The following UBASH3A variants were observed in gnomAD, a reference collection of about 807,000 sequenced individuals.
UBASH3A encodes the protein ubiquitin-associated and SH3 domain-containing protein A.
UBASH3A carries 63 observed loss-of-function variants against 73.5 expected under a neutral mutation model. That is an observed-to-expected ratio of 0.86 (90% confidence interval 0.70 to 1.06). The LOEUF is 1.06. Ranked by LOEUF, UBASH3A falls within the 50% of genes least tolerant of loss-of-function variation. UBASH3A has a pLI of 0.00. For synonymous variants in UBASH3A, 363 were observed against 351.1 expected (o/e 1.03, Z -0.38); for missense variants, 860 against 859.0 (o/e 1.00, Z -0.02).
intron 6 of UBASH3A, 78 bp downstream of exon 6, chr21:42,416,689 C>T: frequency 7.5e-7 from 1 of 1,332,776 alleles, no homozygotes; most frequent in Non-Finnish European, 9.8e-7. Context: ...AATCCCAGCA[C>T]TTTGGGAGGC....
At chr21:42,408,446 T>C (rs147571021) in intron 2 of UBASH3A, among the ~76,000 whole-genome samples, 3 of 152,200 alleles carry the variant, frequency 2.0e-5, no homozygotes, top group African/African-American at 7.2e-5. Context: ...TACAGTACTT[T>C]GTGCTCTTTC....
chr21:42,446,530 A>G (rs2053846438), intron 14 of UBASH3A, among the ~76,000 whole-genome samples: 2 of 152,264 alleles, frequency 1.3e-5, no homozygotes, highest in South Asian at 4.1e-4. Flanking sequence ...AAAGAAAAGA[A>G]AAGACAAAAA....
chr21:42,415,811 C>T (rs947987749), intron 5 of UBASH3A, among the ~76,000 whole-genome samples: 2 of 152,154 alleles, frequency 1.3e-5, no homozygotes, highest in Admixed American at 6.5e-5. Flanking sequence ...AGACACAGAC[C>T]GCCTCCCTAG....
At chr21:42,428,162 C>A (rs78914476) in intron 8 of UBASH3A, among the ~76,000 whole-genome samples, 98 of 152,282 alleles carry the variant, frequency 6.4e-4, no homozygotes, top group African/African-American at 2.1e-3. Context: ...CCAGCCCTGG[C>A]AACACCATCA....
chr21:42,443,529 C>A, intron 13 of UBASH3A, 111 bp downstream of exon 13: 1 of 866,454 alleles, frequency 1.2e-6, no homozygotes, highest in Non-Finnish European at 1.7e-6. Context: ...CTTCTCCTGC[C>A]TGCCCCCGCC....
intron 10 of UBASH3A, 164 bp downstream of exon 10, chr21:42,435,118 C>A (rs1305826537): frequency 5.2e-6 from 4 of 772,318 alleles, no homozygotes; most frequent in Non-Finnish European, 8.0e-6. Flanking sequence ...AAGCAACTTG[C>A]CCAAGGTCAC....
In UBASH3A at chr21:42,409,598, A is replaced by T. The variant is rs779561571; in HGVS notation, c.344A>T (p.Asp115Val). Residue 115 changes from aspartate to valine, a missense_variant, in exon 3 of 15, where the codon GAC (aspartate) becomes GTC (valine). Asp to Val is a radical substitution (Grantham distance 152, BLOSUM62 -3). Coordinates refer to ENST00000319294, the MANE Select transcript of UBASH3A (RefSeq NM_018961.4). Reference sequence around the variant, plus strand: ...GTCTTCCCACACGTGACACTCTGTGACTTCTTCACGGTGAGTCAACCCAGT... The same window carrying T: ...GTCTTCCCACACGTGACACTCTGTGTCTTCTTCACGGTGAGTCAACCCAGT... Reference protein sequence around the residue: ...HEVFPHVTLCDFFTCEDQKVE... With the variant: ...HEVFPHVTLCVFFTCEDQKVE... The T allele has an allele frequency of 3.1e-6, 5 of 1,611,052 alleles. No individual in the cohort carries two copies. The Admixed American group carries it at 5.1e-5, about 16-fold the overall frequency.
At chr21:42,425,766 A>G (rs1394102268) in intron 7 of UBASH3A, among the ~76,000 whole-genome samples, 1 of 152,010 alleles carries the variant, frequency 6.6e-6, no homozygotes, top group Non-Finnish European at 1.5e-5. Flanking sequence ...AGTGGGAGCT[A>G]CTGCTGGTTT....
intron 11 of UBASH3A, among the ~76,000 whole-genome samples, chr21:42,439,428 C>A (rs1175362650): frequency 6.6e-6 from 1 of 152,168 alleles, no homozygotes; most frequent in Non-Finnish European, 1.5e-5. Context: ...TTGGAGGTTC[C>A]CATGTTGATT....
In UBASH3A at chr21:42,416,453, A is replaced by G. The variant is rs762079855; in HGVS notation, c.679A>G (p.Lys227Glu). 5 of 1,581,336 alleles carry G rather than the reference A, an allele frequency of 3.2e-6. No individual in the cohort carries two copies. The highest frequency in any genetic ancestry group is 2.6e-6 in the Non-Finnish European group (3 of 1,165,992). ...HYILQKYCSV[K>E]PCTKQLHLTL... ...CCCTGATTTCACAGACTGCTCCGTG[A>G]AGCCTTGCACCAAACAGCTGCATCT... The change falls in exon 6 of 15, where the codon AAG becomes GAG. Residue 227 changes from lysine (K) to glutamate (E), a missense_variant. Lys to Glu is a moderately conservative substitution (Grantham distance 56). Transcript: ENST00000319294.
rs371725608 is a variant in UBASH3A, at chr21:42,405,988, G to A, written c.114-320G>A. On this transcript the variant is annotated intron_variant, in intron 1 of 14. Transcript: ENST00000319294. Reference sequence around the variant, plus strand: ...GGTCCATTTGATCTAGGCAGTGGGGGGGGGGGGGGCAGGCCAGGGAGAGGG... The same window carrying A: ...GGTCCATTTGATCTAGGCAGTGGGGAGGGGGGGGGCAGGCCAGGGAGAGGG... Among the ~76,000 whole-genome samples, 416 of 147,816 alleles carry A rather than the reference G, an allele frequency of 2.8e-3. 3 individuals carry two copies. The highest frequency in any genetic ancestry group is 3.8e-3 in the Non-Finnish European group (259 of 67,542).
chr21:42,428,018 G>A (rs1329162104), intron 8 of UBASH3A, among the ~76,000 whole-genome samples: 1 of 152,184 alleles, frequency 6.6e-6, no homozygotes, highest in African/African-American at 2.4e-5. Context: ...CACAGGTGAT[G>A]CAATCTGATC....
Position 42,432,102 on chromosome 21 carries a change from G to A in UBASH3A, c.1171-1G>A. 4 of 1,609,450 alleles carry A rather than the reference G, an allele frequency of 2.5e-6. No homozygotes were observed. Among genetic ancestry groups the A allele is most frequent in the Non-Finnish European group, 3.4e-6 (4 of 1,176,570 alleles). On this transcript the variant is annotated splice_acceptor_variant, in intron 8 of 14. Coordinates refer to ENST00000319294, the MANE Select transcript of UBASH3A (RefSeq NM_018961.4). LOFTEE classifies it high-confidence loss of function. ...GCCTTGCTTCCTGCCCCACCCCCCA[G>A]GCTACCGTTGCAAGGAAGAGCGTGC... is the stretch of plus-strand genomic sequence containing the variant.
At chr21:42,425,459 T>C (rs1479007670) in intron 7 of UBASH3A, among the ~76,000 whole-genome samples, 6 of 152,246 alleles carry the variant, frequency 3.9e-5, no homozygotes, top group Non-Finnish European at 8.8e-5. Flanking sequence ...CCTGTGCTAA[T>C]GTGGGGCTAT....
intron 10 of UBASH3A, among the ~76,000 whole-genome samples, chr21:42,437,014 G>GTTC (rs1218353038): frequency 1.3e-5 from 2 of 152,226 alleles, no homozygotes. Context: ...TTCTGCTGTT[G>GTTC]GCCAAATTCA....
In UBASH3A at chr21:42,406,317, G is replaced by A. The variant is rs756564963; in HGVS notation, c.123G>A (p.Ala41=). The A allele has an allele frequency of 2.5e-5, 41 of 1,613,934 alleles. No individual in the cohort carries two copies. The highest frequency in any genetic ancestry group is 1.6e-4 in the Middle Eastern group (1 of 6,084). ...MGFPVHTALK[A]LAATGRKTAE... ...GTCTGCTCTTCTGCAGGCTGAAAGCGTTGGCAGCCACGGGGAGGAAGACGG... is the reference window on the plus strand; with the variant it reads ...GTCTGCTCTTCTGCAGGCTGAAAGCATTGGCAGCCACGGGGAGGAAGACGG... Residue 41 remains alanine (A), a synonymous_variant, in exon 2 of 15, where the codon GCG becomes GCA. Coordinates refer to ENST00000319294, the MANE Select transcript of UBASH3A (RefSeq NM_018961.4).
chr21:42,433,361 G>A (rs575169108), intron 9 of UBASH3A, among the ~76,000 whole-genome samples: 1 of 152,252 alleles, frequency 6.6e-6, no homozygotes, highest in East Asian at 1.9e-4. Flanking sequence ...GAGATTTGGG[G>A]GGCTCTACTG....
chr21:42,418,339 T>C, intron 6 of UBASH3A, 62 bp from the exon 7 acceptor site: 1 of 1,492,020 alleles, frequency 6.7e-7, no homozygotes, highest in East Asian at 2.3e-5. Flanking sequence ...GGCCTCCTAT[T>C]GCTGCCATTT....
rs2277800 is a variant in UBASH3A at position 42,404,027 on chromosome 21, C to T, written c.82C>T (p.Leu28Phe). 84,213 of 1,522,706 alleles carry T rather than the reference C, an allele frequency of 0.055. 2,728 individuals are homozygous for T. The highest frequency in any genetic ancestry group is 0.13 in the East Asian group (5,037 of 38,702). The allele number at this position is 1,522,706 out of a possible 1,614,324, so 94.3% of individuals were successfully genotyped here. A position where few individuals can be genotyped will look rare whatever the true frequency, so the allele number is the denominator to read the frequency against. Residue 28 changes from leucine (L) to phenylalanine (F), a missense_variant, in exon 1 of 15, where the codon CTC becomes TTC. By Grantham distance (22) the Leu-to-Phe change is conservative. Transcript: ENST00000319294. ...CAGCAGCCCCTCGCTCCTGGAGCCC[C>T]TCCTGGCCATGGGCTTCCCGGTGCA... is the stretch of plus-strand genomic sequence containing the variant. ...SRSSPSLLEP[L>F]LAMGFPVHTA...
Sources: allele counts gnomAD v4.1 joint callset (sites outside exome capture counted in the v4.1 genomes callset), GRCh38; gene constraint gnomAD v4.1.1; transcripts MANE v1.5; gene names NCBI Gene and HGNC (gene_info 2026-07-23, HGNC 2026-07-21).